The following UBE2N variants were observed in gnomAD, a reference collection of about 807,000 sequenced individuals.
The protein encoded by UBE2N is ubiquitin conjugating enzyme E2 N, also known as ubiquitin-conjugating enzyme E2 N.
For synonymous variants in UBE2N, 70 were observed against 69.2 expected (o/e 1.01, Z -0.06); for missense variants, 60 against 192.1 (o/e 0.31, Z 4.07).
rs1230787558 is a variant in UBE2N at position 93,409,830 on chromosome 12, T to C, written c.*209A>G. On this transcript the variant is annotated 3_prime_UTR_variant, in exon 4 of 4. Coordinates refer to ENST00000318066, the MANE Select transcript of UBE2N (RefSeq NM_003348.4). ...TTTAAACGTTTCACAACAATCCAGA[T>C]GATACTTCTAGCCTCTGCTCATGCT... 1.2e-5 allele frequency: 7 copies of C among 573,064 alleles called. No homozygotes were observed. The African/African-American group carries it at 1.4e-4, about 11-fold the overall frequency. 35.5% of individuals were successfully genotyped at this position (573,064 alleles called of 1,614,324 possible).
rs139692296 is a variant in UBE2N, at chr12:93,441,536, G to A, written c.30+319C>T. Among the ~76,000 whole-genome samples the A allele has an allele frequency of 3.6e-3, 546 of 152,052 alleles. 2 individuals are homozygous for A. The highest frequency in any genetic ancestry group is 0.013 in the African/African-American group (521 of 41,482). On this transcript the variant is annotated intron_variant, in intron 1 of 3. Transcript: ENST00000318066. ...GGGGGTGGTCTCAGAAGCTATGGAG[G>A]CCCGCGCCCAAGCCCAGAGACCCCC...
Position 93,432,991 on chromosome 12 carries a change from G to C in UBE2N, c.30+8864C>G, listed in dbSNP as rs567108737. Among the ~76,000 whole-genome samples, 3 of 147,968 alleles carry C rather than the reference G, an allele frequency of 2.0e-5. No homozygotes were observed. The East Asian group carries it at 6.0e-4, about 29-fold the overall frequency. On this transcript the variant is annotated intron_variant, in intron 1 of 3. Coordinates refer to ENST00000318066, the MANE Select transcript of UBE2N (RefSeq NM_003348.4). ...TGTTGCCCAGGCTGGAGTGCAGTGG[G>C]GTGATCTCCGCTCACTGCAAGCTCT...
At chr12:93,425,442 T>A (rs1355767015) in intron 1 of UBE2N, among the ~76,000 whole-genome samples, 1 of 152,156 alleles carries the variant, frequency 6.6e-6, no homozygotes, top group African/African-American at 2.4e-5. Context: ...CTGTAAGCCA[T>A]CCCTTACACA....
At chr12:93,416,447 C>T (rs1331897619) in intron 1 of UBE2N, among the ~76,000 whole-genome samples, 1 of 148,154 alleles carries the variant, frequency 6.7e-6, no homozygotes, top group Non-Finnish European at 1.5e-5. Flanking sequence ...TTTCACTTAT[C>T]TATCTTTTTT....
intron 1 of UBE2N, among the ~76,000 whole-genome samples, chr12:93,430,698 A>G (rs1878735659): frequency 6.6e-6 from 1 of 151,372 alleles, no homozygotes. Context: ...GGATCACTTG[A>G]GCCCAGGAGT....
At chr12:93,426,800 A>G (rs1878602594) in intron 1 of UBE2N, among the ~76,000 whole-genome samples, 2 of 152,064 alleles carry the variant, frequency 1.3e-5, no homozygotes, top group African/African-American at 4.8e-5. Context: ...AAGTCTGCAG[A>G]TAAGGGAGTG....
At chr12:93,423,956 GT>G (rs1232059426) in intron 1 of UBE2N, among the ~76,000 whole-genome samples, 1 of 152,060 alleles carries the variant, frequency 6.6e-6, no homozygotes, top group Admixed American at 6.6e-5. Flanking sequence ...TTTTTCCCAA[GT>G]TTTTTTCACT....
intron 1 of UBE2N, among the ~76,000 whole-genome samples, chr12:93,433,063 G>C (rs1317142051): frequency 6.6e-6 from 1 of 151,278 alleles, no homozygotes; most frequent in Non-Finnish European, 1.5e-5. Flanking sequence ...CTCCCGACTA[G>C]CTGGGACTAC....
In UBE2N at chr12:93,410,300, A is replaced by G. The variant is rs143966744; in HGVS notation, c.419-221T>C. On this transcript the variant is annotated intron_variant, in intron 3 of 3. Transcript: ENST00000318066. ...ATTAAGAAGTTCTAGAAAATTCAAG[A>G]GGATGAATCAAGTTGTCCATTTCTA... The G allele has an allele frequency of 8.4e-5, 44 of 523,122 alleles. No individual in the cohort carries two copies. The East Asian group carries it at 1.5e-3, about 18-fold the overall frequency. The allele number at this position is 523,122 out of a possible 1,614,324, so 32.4% of individuals were successfully genotyped here.
chr12:93,423,590 T>A (rs550841862), intron 1 of UBE2N, among the ~76,000 whole-genome samples: 14 of 152,312 alleles, frequency 9.2e-5, no homozygotes, highest in Non-Finnish European at 1.9e-4. Flanking sequence ...GGGAAGAGGC[T>A]CAAGAGTTAG....
chr12:93,410,106 ATTATT>A, intron 3 of UBE2N, 27 bp from the exon 4 acceptor site: 1 of 1,608,578 alleles, frequency 6.2e-7, no homozygotes, highest in Non-Finnish European at 8.5e-7. Flanking sequence ...ACATACGATT[ATTATT>A]TTACTTAGTT....
intron 1 of UBE2N, among the ~76,000 whole-genome samples, chr12:93,439,559 T>C (rs1879039582): frequency 6.6e-6 from 1 of 152,214 alleles, no homozygotes; most frequent in Non-Finnish European, 1.5e-5. Context: ...AACAAAGTCA[T>C]GTCCCTATTG....
chr12:93,430,838 G>C (rs1298278381), intron 1 of UBE2N, among the ~76,000 whole-genome samples: 1 of 149,296 alleles, frequency 6.7e-6, no homozygotes, highest in African/African-American at 2.4e-5. Context: ...AATTAGTTGG[G>C]GATGGTAGTG....
intron 1 of UBE2N, among the ~76,000 whole-genome samples, chr12:93,438,722 T>C (rs1314156380): frequency 6.6e-6 from 1 of 152,056 alleles, no homozygotes; most frequent in African/African-American, 2.4e-5. Context: ...CAGTAAATGA[T>C]GGAAGTGAAC....
chr12:93,437,518 C>T (rs1034491147), intron 1 of UBE2N, among the ~76,000 whole-genome samples: 6 of 151,940 alleles, frequency 3.9e-5, no homozygotes, highest in African/African-American at 1.5e-4. Context: ...TGGTTGAAGT[C>T]GGGTGCAGTG....
intron 3 of UBE2N, 45 bp from the exon 4 acceptor site, chr12:93,410,124 A>G (rs1476973882): frequency 1.9e-6 from 3 of 1,579,778 alleles, no homozygotes; most frequent in Non-Finnish European, 1.7e-6. Flanking sequence ...ACTTAGTTCA[A>G]TATGTTACTT....
chr12:93,419,403 A>C (rs144287853), intron 1 of UBE2N, among the ~76,000 whole-genome samples: 1,657 of 152,284 alleles, frequency 0.011, 14 homozygotes, highest in Non-Finnish European at 0.016. Context: ...AAAAAAAAAA[A>C]AGTAATGTCA....
intron 1 of UBE2N, chr12:93,424,507 TA>T (rs1878516455): frequency 6.6e-6 from 1 of 152,182 alleles, no homozygotes. Flanking sequence ...AAAGAAAAAT[TA>T]AAACAGTCTT....
At chr12:93,422,581 T>C (rs1878450283) in intron 1 of UBE2N, among the ~76,000 whole-genome samples, 1 of 152,160 alleles carries the variant, frequency 6.6e-6, no homozygotes, top group African/African-American at 2.4e-5. Context: ...TCTGTATTCA[T>C]CTTGAATTAA....
Sources: gnomAD v4.1 joint callset for allele counts (sites outside exome capture counted in the v4.1 genomes callset) on GRCh38, gnomAD v4.1.1 for gene constraint, MANE v1.5 for transcripts, NCBI Gene and HGNC (gene_info 2026-07-23, HGNC 2026-07-21) for gene names.